The following ERI3 variants were observed in gnomAD, a reference collection of about 807,000 sequenced individuals.
ERI3 encodes the protein ERI1 exoribonuclease family member 3, also known as ERI1 exoribonuclease 3.
Under a neutral mutation model 44.4 loss-of-function variants are expected in ERI3, and 18 were observed. That is an observed-to-expected ratio of 0.41 (90% CI 0.28 to 0.60). The LOEUF (loss-of-function observed/expected upper bound fraction) is 0.60. Ranked by LOEUF, ERI3 falls within the 20% of genes least tolerant of loss-of-function variation. ERI3 has a pLI of 0.36. For synonymous variants in ERI3, 183 were observed against 164.8 expected (o/e 1.11, Z -0.84); for missense variants, 294 against 435.5 (o/e 0.68, Z 2.89).
chr1:44,308,336 G>A lies in ERI3; in HGVS notation c.732C>T (p.Thr244=). 1 of 1,614,126 alleles carries A rather than the reference G, an allele frequency of 6.2e-7. No homozygotes were observed. The highest frequency in any genetic ancestry group is 8.5e-7 in the Non-Finnish European group (1 of 1,179,934). Residue 244 remains threonine (T), a synonymous_variant, in exon 6 of 9, where the codon ACC becomes ACT. Transcript: ENST00000372257. ...TGACTTTTAAGTCCCAGTCTCCACAGGTGACAAAAATTGACTTGACGTTTG... is the reference window on the plus strand; with the variant it reads ...TGACTTTTAAGTCCCAGTCTCCACAAGTGACAAAAATTGACTTGACGTTTG... ...LDPNVKSIFV[T]CGDWDLKVML...
At chr1:44,354,000 G>C in intron 1 of ERI3, 1 of 985,374 alleles carries the variant, frequency 1.0e-6, no homozygotes, top group Non-Finnish European at 1.2e-6. Context: ...TAAATGGTAG[G>C]AGATTCAGGT....
chr1:44,268,060 A>G (rs1398235104), intron 7 of ERI3, among the ~76,000 whole-genome samples: 1 of 152,144 alleles, frequency 6.6e-6, no homozygotes, highest in Non-Finnish European at 1.5e-5. Flanking sequence ...GTAAATTTTT[A>G]CTCAGTACAG....
intron 3 of ERI3, 76 bp downstream of exon 3, chr1:44,338,969 T>C: frequency 1.3e-6 from 2 of 1,529,014 alleles, no homozygotes; most frequent in East Asian, 4.5e-5. Context: ...AGCTCCTTTG[T>C]GTCCCAGGAA....
At chr1:44,261,089 T>C (rs577193638) in intron 7 of ERI3, among the ~76,000 whole-genome samples, 1 of 152,302 alleles carries the variant, frequency 6.6e-6, no homozygotes, top group East Asian at 1.9e-4. Context: ...AGGTCCCCAC[T>C]CCCTCTGCCC....
At chr1:44,242,171 G>T in intron 8 of ERI3, 1 of 979,082 alleles carries the variant, frequency 1.0e-6, no homozygotes, top group Non-Finnish European at 1.2e-6. Context: ...GAACTGGATG[G>T]GAGGGGGCAG....
chr1:44,317,590 T>C (rs570332107), intron 4 of ERI3, among the ~76,000 whole-genome samples: 69 of 152,244 alleles, frequency 4.5e-4, no homozygotes, highest in African/African-American at 1.6e-3. Context: ...GGGATGGAGA[T>C]GGATCAGGTC....
intron 7 of ERI3, among the ~76,000 whole-genome samples, chr1:44,256,424 C>T (rs931675961): frequency 6.6e-6 from 1 of 152,194 alleles, no homozygotes; most frequent in African/African-American, 2.4e-5. Context: ...ACCCGCACAG[C>T]TAAAGCAGCA....
At chr1:44,291,826 C>T (rs998483738) in intron 6 of ERI3, among the ~76,000 whole-genome samples, 2 of 152,208 alleles carry the variant, frequency 1.3e-5, no homozygotes, top group African/African-American at 4.8e-5. Context: ...CCAGTGACCT[C>T]GCCTACTGCA....
chr1:44,350,468 G>C (rs1480196230), intron 2 of ERI3, among the ~76,000 whole-genome samples: 2 of 152,032 alleles, frequency 1.3e-5, no homozygotes, highest in Non-Finnish European at 2.9e-5. Context: ...CGCCATGTTG[G>C]CCAGGCTGGT....
intron 7 of ERI3, among the ~76,000 whole-genome samples, chr1:44,259,800 A>G (rs1324123520): frequency 1.3e-5 from 2 of 151,500 alleles, no homozygotes; most frequent in Admixed American, 6.6e-5. Flanking sequence ...GAATCCCTTA[A>G]GCCCAGGGGG....
chr1:44,317,104 C>T (rs1646103530), intron 4 of ERI3, among the ~76,000 whole-genome samples: 1 of 151,940 alleles, frequency 6.6e-6, no homozygotes, highest in African/African-American at 2.4e-5. Context: ...TCTCCCCAAG[C>T]ATGTGCCCAT....
chr1:44,325,685 AG>A (rs1418770137), intron 3 of ERI3, among the ~76,000 whole-genome samples: 9 of 152,022 alleles, frequency 5.9e-5, no homozygotes, highest in Admixed American at 1.3e-4. Context: ...TTTTTGAGAC[AG>A]GATTTCGCTC....
At chr1:44,320,547 G>A (rs1482436904) in intron 3 of ERI3, among the ~76,000 whole-genome samples, 1 of 152,202 alleles carries the variant, frequency 6.6e-6, no homozygotes, top group African/African-American at 2.4e-5. Flanking sequence ...GGGAAGGGAG[G>A]AACGCACCAG....
chr1:44,350,750 T>C (rs750316637), intron 2 of ERI3, among the ~76,000 whole-genome samples: 2 of 152,310 alleles, frequency 1.3e-5, no homozygotes, highest in Admixed American at 6.5e-5. Flanking sequence ...AGCGTATTTA[T>C]AGATCAGTTT....
At chr1:44,344,093 G>T (rs867992147) in intron 2 of ERI3, among the ~76,000 whole-genome samples, 36 of 151,928 alleles carry the variant, frequency 2.4e-4, no homozygotes, top group Middle Eastern at 6.8e-3. Context: ...ACAAAAATTA[G>T]CCAGGCATGG....
chr1:44,306,750 C>A (rs763815885), intron 6 of ERI3, among the ~76,000 whole-genome samples: 1 of 152,200 alleles, frequency 6.6e-6, no homozygotes, highest in African/African-American at 2.4e-5. Flanking sequence ...AAGGTGAAGA[C>A]GCCAAAGAGA....
chr1:44,231,195 C>T (rs1644174699), intron 8 of ERI3, among the ~76,000 whole-genome samples: 1 of 152,154 alleles, frequency 6.6e-6, no homozygotes, highest in Admixed American at 6.5e-5. Flanking sequence ...GAATTTTCCA[C>T]TTGTGGTATC....
At chr1:44,332,723 G>A (rs1248262681) in intron 3 of ERI3, among the ~76,000 whole-genome samples, 2 of 152,204 alleles carry the variant, frequency 1.3e-5, no homozygotes, top group African/African-American at 2.4e-5. Flanking sequence ...CACAGCAAAC[G>A]CTTGTTCCCA....
intron 6 of ERI3, among the ~76,000 whole-genome samples, chr1:44,290,651 G>C (rs1271421259): frequency 6.6e-6 from 1 of 152,196 alleles, no homozygotes; most frequent in African/African-American, 2.4e-5. Flanking sequence ...AGCCGAGGCA[G>C]CACTTAGCTG....
Sources: gnomAD v4.1 joint callset for allele counts (sites outside exome capture counted in the v4.1 genomes callset) on GRCh38, gnomAD v4.1.1 for gene constraint, MANE v1.5 for transcripts, NCBI Gene and HGNC (gene_info 2026-07-23, HGNC 2026-07-21) for gene names.